Variants in H1-2 observed in about 807,000 individuals in gnomAD.
The protein encoded by H1-2 is H1.2 linker histone, cluster member, also known as histone H1.2.
A neutral mutation model predicts 7.2 loss-of-function variants in H1-2; 7 were observed. That is an observed-to-expected ratio of 0.97 (90% CI 0.55 to 1.82). H1-2 has a LOEUF of 1.82. Ranked by LOEUF, H1-2 falls within the 40% of genes most tolerant of loss-of-function variation. H1-2 has a pLI of 0.00. For missense variants in H1-2, 703 were observed against 276.6 expected, an observed-to-expected ratio of 2.54 and a Z score of -10.94; for synonymous variants, 300 against 118.2, an observed-to-expected ratio of 2.54 and a Z score of -9.98.
Position 26,055,768 on chromosome 6 carries a change from T to A in H1-2, c.*19A>T. 6.3e-7 allele frequency: 1 copy of A among 1,577,522 alleles called. No individual in the cohort carries two copies. Among genetic ancestry groups the A allele is most frequent in the East Asian group, 2.2e-5 (1 of 44,772 alleles). On this transcript the variant is annotated 3_prime_UTR_variant, in exon 1 of 1. Transcript: ENST00000343677. ...TGGCTCTGAAAAGAGCCTTTTGGGTTTTAGAAGTAGGCGTTCGCCTATTTC... is the reference window on the plus strand; with the variant it reads ...TGGCTCTGAAAAGAGCCTTTTGGGTATTAGAAGTAGGCGTTCGCCTATTTC...
In H1-2 at chr6:26,056,286, A is replaced by G; in HGVS notation, c.143T>C (p.Val48Ala). The stretch of plus-strand genomic sequence containing the variant: ...TCCGCTACGCTCTTTAGAGGCGGCC[A>G]CAGCCTTGGTGATGAGCTCTGACAC... ...PPVSELITKAVAASKERSGVS... is the reference protein window; with the variant it reads ...PPVSELITKAAAASKERSGVS... The change falls in exon 1 of 1, where the codon GTG becomes GCG. Residue 48 changes from valine to alanine, a missense_variant. Physicochemically the swap from Val to Ala is moderately conservative, Grantham distance 64 (BLOSUM62 0). Transcript: ENST00000343677. 2.5e-6 allele frequency: 4 copies of G among 1,614,204 alleles called. No individual in the cohort carries two copies. The highest frequency in any genetic ancestry group is 3.4e-6 in the Non-Finnish European group (4 of 1,180,024).
At position 26,055,983 on chromosome 6, in the gene H1-2, T is replaced by G. The variant is rs754239517; in HGVS notation, c.446A>C (p.Lys149Thr). 8 of 1,613,826 alleles carry G rather than the reference T, an allele frequency of 5.0e-6. No homozygotes were observed. The South Asian group carries it at 5.5e-5, about 11-fold the overall frequency. The change falls in exon 1 of 1, where the codon AAG becomes ACG. Residue 149 changes from lysine to threonine, a missense_variant. By Grantham distance (78) the Lys-to-Thr change is moderately conservative (BLOSUM62 -1). Coordinates refer to ENST00000343677, the MANE Select transcript of H1-2 (RefSeq NM_005319.4). ...KKAAGGATPK[K>T]SAKKTPKKAK... ...TTTCTTCGGTGTTTTCTTAGCGCTCTTCTTCGGAGTTGCGCCGCCAGCCGC... is the reference window on the plus strand; with the variant it reads ...TTTCTTCGGTGTTTTCTTAGCGCTCGTCTTCGGAGTTGCGCCGCCAGCCGC...
At position 26,056,452 on chromosome 6, in the gene H1-2, C is replaced by CA. The variant is rs1761934656; in HGVS notation, c.-25dup. 2.6e-6 allele frequency: 4 copies of CA among 1,546,970 alleles called. No individual in the cohort carries two copies. The African/African-American group carries it at 4.2e-5, about 16-fold the overall frequency. ...ATGTTGAGAATCAAAAACTCGGGTA[C>CA]AAGTGGCAAAGCGCCGATGAAGCAG... On this transcript the variant is annotated 5_prime_UTR_variant, in exon 1 of 1. Coordinates refer to ENST00000343677, the MANE Select transcript of H1-2 (RefSeq NM_005319.4).
chr6:26,055,837 C>T lies in H1-2; in HGVS notation c.592G>A (p.Ala198Thr), dbSNP rs752256145. ...TTAGGCTTGACAACCTTGGGCTTAGCGGCCTTGGGCTTCACAGCCTTAGCA... is the reference window on the plus strand; with the variant it reads ...TTAGGCTTGACAACCTTGGGCTTAGTGGCCTTGGGCTTCACAGCCTTAGCA... ...SAAKAVKPKA[A>T]KPKVVKPKKA... The change falls in exon 1 of 1, where the codon GCT becomes ACT. Residue 198 changes from alanine to threonine, a missense_variant. By Grantham distance (58) the Ala-to-Thr change is moderately conservative. Coordinates refer to ENST00000343677, the MANE Select transcript of H1-2 (RefSeq NM_005319.4). The T allele has an allele frequency of 2.2e-5, 36 of 1,612,410 alleles. No homozygotes were observed. The highest frequency in any genetic ancestry group is 3.0e-5 in the Non-Finnish European group (35 of 1,179,490).
rs776215098 is a variant in H1-2, at chr6:26,056,325, G to C, written c.104C>G (p.Ala35Gly). 1.2e-6 allele frequency: 2 copies of C among 1,614,054 alleles called. No individual in the cohort carries two copies. Among genetic ancestry groups the C allele is most frequent in the South Asian group, 1.1e-5 (1 of 91,082 alleles). Residue 35 changes from alanine to glycine, a missense_variant, in exon 1 of 1, where the codon GCG becomes GGG. Ala to Gly is a moderately conservative substitution (Grantham distance 60). Coordinates refer to ENST00000343677, the MANE Select transcript of H1-2 (RefSeq NM_005319.4). ...GAGCTCTGACACCGGGGGACCAGAC[G>C]CCTTACGAGGCGTACCCCCAGCCTT... ...AKKAGGTPRK[A>G]SGPPVSELIT...
chr6:26,056,023 T>C lies in H1-2; in HGVS notation c.406A>G (p.Lys136Glu). Residue 136 changes from lysine to glutamate, a missense_variant, in exon 1 of 1, where the codon AAG becomes GAG. By Grantham distance (56) the Lys-to-Glu change is moderately conservative. Transcript: ENST00000343677. ...CCGCCAGCCGCCTTCTTGGGCTTCTTGGCTGCCCCAACTGGCTTCTTAGGT... is the reference window on the plus strand; with the variant it reads ...CCGCCAGCCGCCTTCTTGGGCTTCTCGGCTGCCCCAACTGGCTTCTTAGGT... ...TKPKKPVGAA[K>E]KPKKAAGGAT... 6.2e-7 allele frequency: 1 copy of C among 1,614,124 alleles called. No homozygotes were observed. The highest frequency in any genetic ancestry group is 1.3e-5 in the African/African-American group (1 of 75,060).
rs200019856 is a variant in H1-2 at position 26,055,970 on chromosome 6, T to G, written c.459A>C (p.Lys153Asn). Reference sequence around the variant, plus strand: ...CCGGCTTCTTCGCTTTCTTCGGTGTTTTCTTAGCGCTCTTCTTCGGAGTTG... The same window carrying G: ...CCGGCTTCTTCGCTTTCTTCGGTGTGTTCTTAGCGCTCTTCTTCGGAGTTG... ...GGATPKKSAK[K>N]TPKKAKKPAA... The change falls in exon 1 of 1, where the codon AAA (lysine) becomes AAC (asparagine). Residue 153 changes from lysine to asparagine, a missense_variant. Physicochemically the swap from Lys to Asn is moderately conservative, Grantham distance 94. Transcript: ENST00000343677. 255 of 1,614,028 alleles carry G rather than the reference T, an allele frequency of 1.6e-4. No individual in the cohort carries two copies. The highest frequency in any genetic ancestry group is 3.3e-4 in the Middle Eastern group (2 of 6,030).
Position 26,055,805 on chromosome 6 carries a change from C to T in H1-2, c.624G>A (p.Ala208=), listed in dbSNP as rs778689993. The change falls in exon 1 of 1, where the codon GCG becomes GCA. Residue 208 remains alanine (A), a synonymous_variant. Coordinates refer to ENST00000343677, the MANE Select transcript of H1-2 (RefSeq NM_005319.4). ...CGTTCGCCTATTTCTTCTTGGGCGC[C>T]GCCTTCTTAGGCTTGACAACCTTGG... The part of the protein sequence containing the change: ...AKPKVVKPKK[A]APKKK The T allele has an allele frequency of 6.3e-7, 1 of 1,592,734 alleles. No homozygotes were observed. The highest frequency in any genetic ancestry group is 8.5e-7 in the Non-Finnish European group (1 of 1,174,470).
At position 26,056,271 on chromosome 6, in the gene H1-2, T is replaced by C; in HGVS notation, c.158A>G (p.Glu53Gly). ...AGCAGCCAGAGAAACTCCGCTACGC[T>C]CTTTAGAGGCGGCCACAGCCTTGGT... ...LITKAVAASK[E>G]RSGVSLAALK... Residue 53 changes from glutamate (E) to glycine (G), a missense_variant, in exon 1 of 1, where the codon GAG becomes GGG. Physicochemically the swap from Glu to Gly is moderately conservative, Grantham distance 98. Transcript: ENST00000343677. The C allele has an allele frequency of 6.2e-7, 1 of 1,614,188 alleles. No homozygotes were observed. The highest frequency in any genetic ancestry group is 8.5e-7 in the Non-Finnish European group (1 of 1,180,040).
In H1-2 at chr6:26,056,263, C is replaced by G. The variant is rs770870852; in HGVS notation, c.166G>C (p.Gly56Arg). 1 of 1,614,242 alleles carries G rather than the reference C, an allele frequency of 6.2e-7. No individual in the cohort carries two copies. The highest frequency in any genetic ancestry group is 2.2e-5 in the East Asian group (1 of 44,874). The change falls in exon 1 of 1, where the codon GGA (glycine) becomes CGA (arginine). Residue 56 changes from glycine to arginine, a missense_variant. Transcript: ENST00000343677. ...TTTTTCAGAGCAGCCAGAGAAACTC[C>G]GCTACGCTCTTTAGAGGCGGCCACA... ...KAVAASKERS[G>R]VSLAALKKAL...
At position 26,056,333 on chromosome 6, in the gene H1-2, A is replaced by C. The variant is rs374096942; in HGVS notation, c.96T>G (p.Pro32=). 2 of 1,614,018 alleles carry C rather than the reference A, an allele frequency of 1.2e-6. No individual in the cohort carries two copies. The highest frequency in any genetic ancestry group is 1.7e-6 in the Non-Finnish European group (2 of 1,179,894). ...ACACCGGGGGACCAGACGCCTTACG[A>C]GGCGTACCCCCAGCCTTTTTGGCCG... ...KKAAKKAGGT[P]RKASGPPVSE... The change falls in exon 1 of 1, where the codon CCT becomes CCG. Residue 32 remains proline (P), a synonymous_variant. Transcript: ENST00000343677.
In H1-2 at chr6:26,056,136, C is replaced by T. The variant is rs535896307; in HGVS notation, c.293G>A (p.Gly98Asp). The T allele has an allele frequency of 1.9e-6, 3 of 1,614,220 alleles. No individual in the cohort carries two copies. The highest frequency in any genetic ancestry group is 1.1e-5 in the South Asian group (1 of 91,086). ...TTTAAAGGAGCCAGAAGCACCGGTG[C>T]CTTTCGTTTGCACCAGAGTGCCCTT... ...VSKGTLVQTK[G>D]TGASGSFKLN... Residue 98 changes from glycine (G) to aspartate (D), a missense_variant, in exon 1 of 1, where the codon GGC (glycine) becomes GAC (aspartate). Coordinates refer to ENST00000343677, the MANE Select transcript of H1-2 (RefSeq NM_005319.4).
rs557258962 is a variant in H1-2 at position 26,056,162 on chromosome 6, G to A, written c.267C>T (p.Ser89=). 1.7e-5 allele frequency: 28 copies of A among 1,614,232 alleles called. No individual in the cohort carries two copies. Among genetic ancestry groups the A allele is most frequent in the South Asian group, 5.5e-5 (5 of 91,088 alleles). ...RIKLGLKSLV[S]KGTLVQTKGT... ...CTTTCGTTTGCACCAGAGTGCCCTT[G>A]CTCACCAGGCTCTTGAGACCAAGTT... is the stretch of plus-strand genomic sequence containing the variant. The change falls in exon 1 of 1, where the codon AGC becomes AGT. Residue 89 remains serine, a synonymous_variant. Transcript: ENST00000343677.
Position 26,055,787 on chromosome 6 carries a change from C to A in H1-2, c.642G>T (p.Ter214TyrextTer6), listed in dbSNP as rs11540003. 1 of 1,590,156 alleles carries A rather than the reference C, an allele frequency of 6.3e-7. No homozygotes were observed. Among genetic ancestry groups the A allele is most frequent in the Non-Finnish European group, 8.5e-7 (1 of 1,173,810 alleles). The stretch of plus-strand genomic sequence containing the variant: ...TTGGGTTTTAGAAGTAGGCGTTCGC[C>A]TATTTCTTCTTGGGCGCCGCCTTCT... Reference protein sequence around the residue: ...KPKKAAPKKK* With the variant: ...KPKKAAPKKKY The change falls in exon 1 of 1, where the codon TAG becomes TAT. Residue 214 changes from the stop codon to tyrosine (Y), a stop_lost. Coordinates refer to ENST00000343677, the MANE Select transcript of H1-2 (RefSeq NM_005319.4).
In H1-2 at chr6:26,056,467, C is replaced by A. The variant is rs753463079; in HGVS notation, c.-39G>T. Reference sequence around the variant, plus strand: ...AACTCGGGTACAAGTGGCAAAGCGCCGATGAAGCAGCGCCTGGGCAGGGCC... The same window carrying A: ...AACTCGGGTACAAGTGGCAAAGCGCAGATGAAGCAGCGCCTGGGCAGGGCC... On this transcript the variant is annotated 5_prime_UTR_variant, in exon 1 of 1. Coordinates refer to ENST00000343677, the MANE Select transcript of H1-2 (RefSeq NM_005319.4). 2 of 1,536,114 alleles carry A rather than the reference C, an allele frequency of 1.3e-6. No individual in the cohort carries two copies. Among genetic ancestry groups the A allele is most frequent in the East Asian group, 2.3e-5 (1 of 44,380 alleles).
rs770870852 is a variant in H1-2 at position 26,056,263 on chromosome 6, C to T, written c.166G>A (p.Gly56Arg). The T allele has an allele frequency of 2.5e-6, 4 of 1,614,242 alleles. No homozygotes were observed. Among genetic ancestry groups the T allele is most frequent in the African/African-American group, 1.3e-5 (1 of 75,066 alleles). Residue 56 changes from glycine (G) to arginine (R), a missense_variant, in exon 1 of 1, where the codon GGA (glycine) becomes AGA (arginine). Physicochemically the swap from Gly to Arg is moderately radical, Grantham distance 125. Transcript: ENST00000343677. The stretch of plus-strand genomic sequence containing the variant: ...TTTTTCAGAGCAGCCAGAGAAACTC[C>T]GCTACGCTCTTTAGAGGCGGCCACA... ...KAVAASKERSGVSLAALKKAL... is the reference protein window; with the variant it reads ...KAVAASKERSRVSLAALKKAL...
Position 26,055,789 on chromosome 6 carries a change from A to C in H1-2, c.640T>G (p.Ter214GluextTer6). 3 of 1,590,646 alleles carry C rather than the reference A, an allele frequency of 1.9e-6. No individual in the cohort carries two copies. Among genetic ancestry groups the C allele is most frequent in the Middle Eastern group, 3.5e-4 (2 of 5,710 alleles). The change falls in exon 1 of 1, where the codon TAG becomes GAG. Residue 214 changes from the stop codon to glutamate (E), a stop_lost. Coordinates refer to ENST00000343677, the MANE Select transcript of H1-2 (RefSeq NM_005319.4). ...KPKKAAPKKK[*>E] ...GGGTTTTAGAAGTAGGCGTTCGCCT[A>C]TTTCTTCTTGGGCGCCGCCTTCTTA...
chr6:26,055,799 G>T lies in H1-2; in HGVS notation c.630C>A (p.Pro210=), dbSNP rs755709568. 2 of 1,593,112 alleles carry T rather than the reference G, an allele frequency of 1.3e-6. No individual in the cohort carries two copies. Among genetic ancestry groups the T allele is most frequent in the African/African-American group, 1.4e-5 (1 of 73,324 alleles). ...PKVVKPKKAA[P]KKK is the part of the protein sequence containing the mutation. ...AGTAGGCGTTCGCCTATTTCTTCTT[G>T]GGCGCCGCCTTCTTAGGCTTGACAA... Residue 210 remains proline (P), a synonymous_variant, in exon 1 of 1, where the codon CCC becomes CCA. Coordinates refer to ENST00000343677, the MANE Select transcript of H1-2 (RefSeq NM_005319.4).
In H1-2 at chr6:26,056,110, G is replaced by C. The variant is rs777559018; in HGVS notation, c.319C>G (p.Leu107Val). ...TCCCCGGAGGCTGCCTTCTTGTTGAGTTTAAAGGAGCCAGAAGCACCGGTG... is the reference window on the plus strand; with the variant it reads ...TCCCCGGAGGCTGCCTTCTTGTTGACTTTAAAGGAGCCAGAAGCACCGGTG... ...KGTGASGSFK[L>V]NKKAASGEAK... The change falls in exon 1 of 1, where the codon CTC (leucine) becomes GTC (valine). Residue 107 changes from leucine to valine, a missense_variant. Coordinates refer to ENST00000343677, the MANE Select transcript of H1-2 (RefSeq NM_005319.4). The C allele has an allele frequency of 1.2e-5, 19 of 1,614,222 alleles. No individual in the cohort carries two copies. The highest frequency in any genetic ancestry group is 6.7e-5 in the Admixed American group (4 of 60,032).
Sources: gnomAD v4.1 joint callset for allele counts on GRCh38, gnomAD v4.1.1 for gene constraint, MANE v1.5 for transcripts, NCBI Gene and HGNC (gene_info 2026-07-23, HGNC 2026-07-21) for gene names.